Variants in FSTL5 observed in about 807,000 individuals in gnomAD.
FSTL5 encodes the protein follistatin like 5, also known as follistatin-related protein 5.
FSTL5 carries 62 observed loss-of-function variants against 89.1 expected under a neutral mutation model. The observed-to-expected ratio is 0.70, with a 90% CI of 0.57 to 0.86. The LOEUF is 0.86. Among genes scored for constraint, FSTL5 ranks in the 40% least tolerant of loss-of-function variants. The pLI is 0.00. For missense variants in FSTL5, 1,057 were observed against 1,001.6 expected (o/e 1.06, Z -0.75); for synonymous variants, 383 against 346.2 (o/e 1.11, Z -1.18).
chr4:161,964,057 C>T (rs554241323), intron 3 of FSTL5, among the ~76,000 whole-genome samples: 1 of 152,006 alleles, frequency 6.6e-6, no homozygotes, highest in East Asian at 1.9e-4. Context: ...TTTATTCAGG[C>T]TTTATGAATG....
At chr4:161,913,666 A>C (rs1324276859) in intron 4 of FSTL5, among the ~76,000 whole-genome samples, 1 of 152,090 alleles carries the variant, frequency 6.6e-6, no homozygotes, top group African/African-American at 2.4e-5. Flanking sequence ...ACAGTGGCAG[A>C]GCTACCCAAG....
intron 3 of FSTL5, among the ~76,000 whole-genome samples, chr4:161,990,244 T>C (rs1736073930): frequency 6.6e-6 from 1 of 152,086 alleles, no homozygotes; most frequent in African/African-American, 2.4e-5. Flanking sequence ...ATTTCCCTCA[T>C]ATCACAATGA....
rs943751415 is a variant in FSTL5 at position 161,733,351 on chromosome 4, C to A, written c.727+26060G>T. On this transcript the variant is annotated intron_variant, in intron 6 of 15. Coordinates refer to ENST00000306100, the MANE Select transcript of FSTL5 (RefSeq NM_020116.5). ...GTTTGTATTGACATTATATTCTGTG[C>A]TCCTGCAGAACTTATAAGTCCTAGT... 3.9e-5 allele frequency among the ~76,000 whole-genome samples: 6 copies of A among 151,978 alleles called. No individual in the cohort carries two copies. In the East Asian group the frequency reaches 1.2e-3, roughly 29 times the overall value.
At position 161,529,044 on chromosome 4, in the gene FSTL5, A is replaced by G. The variant is rs571316768; in HGVS notation, c.1312+9122T>C. Among the ~76,000 whole-genome samples, 8 of 143,258 alleles carry G rather than the reference A, an allele frequency of 5.6e-5. 1 individual carries two copies. Among genetic ancestry groups the G allele is most frequent in the South Asian group, 2.4e-4 (1 of 4,180 alleles). 94.0% of individuals were successfully genotyped at this position (143,258 alleles called of 152,430 possible). A position where few individuals can be genotyped will look rare whatever the true frequency, so the allele number is the denominator to read the frequency against. Reference sequence around the variant, plus strand: ...TTAGGAGGTTCATTAAAGGTATATAATGCCTTGCAGAGAAAATTCAGGCAG... The same window carrying G: ...TTAGGAGGTTCATTAAAGGTATATAGTGCCTTGCAGAGAAAATTCAGGCAG... On this transcript the variant is annotated intron_variant, in intron 10 of 15. Transcript: ENST00000306100.
At chr4:161,449,819 T>C (rs1318636677) in intron 15 of FSTL5, among the ~76,000 whole-genome samples, 1 of 152,204 alleles carries the variant, frequency 6.6e-6, no homozygotes, top group Non-Finnish European at 1.5e-5. Context: ...GATTTCTACT[T>C]ATAACACCAA....
At chr4:161,670,055 T>G (rs955788892) in intron 6 of FSTL5, among the ~76,000 whole-genome samples, 46 of 152,204 alleles carry the variant, frequency 3.0e-4, no homozygotes, top group African/African-American at 1.1e-3. Flanking sequence ...AAAAAAGACA[T>G]TATATTCTAA....
At chr4:161,902,558 ATAATTT>A (rs1733398383) in intron 4 of FSTL5, among the ~76,000 whole-genome samples, 1 of 152,162 alleles carries the variant, frequency 6.6e-6, no homozygotes, top group Admixed American at 6.6e-5. Flanking sequence ...CTTTTTAAAA[ATAATTT>A]CCACCGGGCA....
intron 11 of FSTL5, 23 bp downstream of exon 11, chr4:161,510,375 A>G (rs867326487): frequency 1.4e-6 from 2 of 1,465,764 alleles, no homozygotes; most frequent in Middle Eastern, 1.7e-4. Context: ...TTGTCACAAC[A>G]TAAAAATAAT....
At chr4:161,783,542 A>G (rs1245144236) in intron 4 of FSTL5, among the ~76,000 whole-genome samples, 2 of 145,732 alleles carry the variant, frequency 1.4e-5, no homozygotes, top group Non-Finnish European at 3.0e-5. Context: ...CTTTCAGTGC[A>G]TTATGTCTGC....
chr4:161,442,952 G>A (rs1387317111), intron 15 of FSTL5, among the ~76,000 whole-genome samples: 3 of 151,972 alleles, frequency 2.0e-5, no homozygotes, highest in South Asian at 2.1e-4. Flanking sequence ...CTAAATCATA[G>A]CTGAATTTTG....
intron 3 of FSTL5, among the ~76,000 whole-genome samples, chr4:161,991,853 T>A (rs1009444671): frequency 6.6e-6 from 1 of 152,114 alleles, no homozygotes; most frequent in Non-Finnish European, 1.5e-5. Flanking sequence ...AATGAGAGAT[T>A]TCCATTTTAA....
At chr4:161,986,961 T>C (rs1735980357) in intron 3 of FSTL5, among the ~76,000 whole-genome samples, 1 of 152,130 alleles carries the variant, frequency 6.6e-6, no homozygotes, top group Non-Finnish European at 1.5e-5. Flanking sequence ...AAACTAGAAG[T>C]TGTGAAATTG....
intron 3 of FSTL5, among the ~76,000 whole-genome samples, chr4:161,974,939 A>G (rs359480): frequency 0.98 from 142,908 of 145,172 alleles, 70,386 homozygotes; most frequent in South Asian, 1. Context: ...AAAAGTGGGC[A>G]AAGGACATGA....
rs554542806 is a variant in FSTL5, at chr4:161,603,331, A to C, written c.895-15756T>G. Among the ~76,000 whole-genome samples the C allele has an allele frequency of 2.0e-4, 31 of 152,318 alleles. No individual in the cohort carries two copies. The South Asian group carries it at 2.5e-3, about 12-fold the overall frequency. On this transcript the variant is annotated intron_variant, in intron 7 of 15. Transcript: ENST00000306100. The stretch of plus-strand genomic sequence containing the variant: ...TATTATAGTTTAGTAAGTGTGCAAT[A>C]GCATTACGTTTAAAAATAAGGATGG...
chr4:161,741,140 G>T (rs1051914150), intron 6 of FSTL5, among the ~76,000 whole-genome samples: 1 of 152,090 alleles, frequency 6.6e-6, no homozygotes, highest in Non-Finnish European at 1.5e-5. Context: ...ATAGCAGTGT[G>T]GTAGGAAGAA....
chr4:162,037,816 C>G (rs889771632), intron 2 of FSTL5, among the ~76,000 whole-genome samples: 8 of 151,886 alleles, frequency 5.3e-5, no homozygotes, highest in Non-Finnish European at 1.2e-4. Context: ...ACCCCTTTCA[C>G]TGGAGACTTA....
At chr4:161,840,041 A>G (rs140099346) in intron 4 of FSTL5, among the ~76,000 whole-genome samples, 178 of 152,320 alleles carry the variant, frequency 1.2e-3, no homozygotes, top group African/African-American at 4.1e-3. Flanking sequence ...ATGTTACAAA[A>G]GCCAGGAGAT....
intron 4 of FSTL5, among the ~76,000 whole-genome samples, chr4:161,793,658 G>C (rs1180019296): frequency 1.3e-5 from 2 of 151,046 alleles, no homozygotes; most frequent in Non-Finnish European, 2.9e-5. Flanking sequence ...GCCCATGCTA[G>C]AGTGCAGTGG....
intron 15 of FSTL5, among the ~76,000 whole-genome samples, chr4:161,442,391 G>C (rs1283228077): frequency 2.6e-5 from 4 of 152,046 alleles, no homozygotes; most frequent in Non-Finnish European, 4.4e-5. Context: ...ACTTCTAAAA[G>C]TGCAATCTTA....
Sources: allele counts gnomAD v4.1 joint callset (sites outside exome capture counted in the v4.1 genomes callset), GRCh38; gene constraint gnomAD v4.1.1; transcripts MANE v1.5; gene names NCBI Gene and HGNC (gene_info 2026-07-23, HGNC 2026-07-21).